The following PRAG1 variants were observed in gnomAD, a reference collection of about 807,000 sequenced individuals.
PRAG1 encodes the protein inactive tyrosine-protein kinase PRAG1.
A neutral mutation model predicts 95.6 loss-of-function variants in PRAG1; 110 were observed. That is an observed-to-expected ratio of 1.15 (90% CI 0.99 to 1.35). The LOEUF (loss-of-function observed/expected upper bound fraction) is 1.35. Among genes scored for constraint, PRAG1 ranks in the 40% most tolerant of loss-of-function variants. The probability of loss-of-function intolerance (pLI) is 0.00; values close to 1 mark genes in which losing one functional copy is unlikely to be tolerated. For synonymous variants in PRAG1, 1,052 were observed against 819.4 expected, an observed-to-expected ratio of 1.28 and a Z score of -4.85; for missense variants, 2,554 against 1,864.7, an observed-to-expected ratio of 1.37 and a Z score of -6.81.
At chr8:8,325,419 T>C (rs899790970) in intron 5 of PRAG1, among the ~76,000 whole-genome samples, 10 of 152,212 alleles carry the variant, frequency 6.6e-5, no homozygotes, top group African/African-American at 2.4e-4. Context: ...GCGGCTCCTG[T>C]TTAGAGGGCT....
chr8:8,381,783 G>A lies in PRAG1; in HGVS notation c.-36C>T, dbSNP rs375776661. The A allele has an allele frequency of 1.3e-4, 200 of 1,509,178 alleles. No individual in the cohort carries two copies. The African/African-American group carries it at 2.0e-3, about 15-fold the overall frequency. 93.5% of individuals were successfully genotyped at this position (1,509,178 alleles called of 1,614,324 possible). A position where few individuals can be genotyped will look rare whatever the true frequency, so the allele number is the denominator to read the frequency against. ...CAGGGTGCTGGTTCATCTTGCGCCC[G>A]GCTCTCTGGTGCAGTTTTGTGGGAT... On this transcript the variant is annotated 5_prime_UTR_variant, in exon 2 of 6. Coordinates refer to ENST00000615670, the MANE Select transcript of PRAG1 (RefSeq NM_001080826.3).
Position 8,381,615 on chromosome 8 carries a change from C to G in PRAG1, c.133G>C (p.Gly45Arg), listed in dbSNP as rs753906769. ...CTGCCCGCTCTGGGCTGGGGAGGGC[C>G]GGCCACCAGCTGGTGGTCGCTCCGC... The part of the protein sequence containing the change: ...CLRSDHQLVA[G>R]PPQPRAGSLP... Residue 45 changes from glycine (G) to arginine (R), a missense_variant, in exon 2 of 6, where the codon GGC becomes CGC. Gly to Arg is a moderately radical substitution (Grantham distance 125). Transcript: ENST00000615670. The G allele has an allele frequency of 2.5e-6, 4 of 1,613,818 alleles. No homozygotes were observed. In the African/African-American group the frequency reaches 4.0e-5, roughly 16 times the overall value.
At chr8:8,361,403 G>A (rs967540599) in intron 3 of PRAG1, among the ~76,000 whole-genome samples, 1 of 152,176 alleles carries the variant, frequency 6.6e-6, no homozygotes, top group Non-Finnish European at 1.5e-5. Context: ...GTCTGGGATC[G>A]GGTCCGGAAG....
At chr8:8,337,573 G>A (rs1158279570) in intron 4 of PRAG1, among the ~76,000 whole-genome samples, 1 of 152,132 alleles carries the variant, frequency 6.6e-6, no homozygotes, top group Non-Finnish European at 1.5e-5. Flanking sequence ...CCATGTCCAG[G>A]GGCAGCAGAT....
intron 3 of PRAG1, among the ~76,000 whole-genome samples, chr8:8,351,183 T>G (rs1799508880): frequency 6.6e-6 from 1 of 152,088 alleles, no homozygotes; most frequent in Admixed American, 6.5e-5. Flanking sequence ...TTTAAAAACA[T>G]GGCAGAAGGC....
intron 3 of PRAG1, among the ~76,000 whole-genome samples, chr8:8,369,121 A>G (rs866999061): frequency 9.2e-5 from 14 of 152,108 alleles, no homozygotes; most frequent in Non-Finnish European, 1.9e-4. Flanking sequence ...GAATAGTTGC[A>G]GAATCATGAT....
intron 5 of PRAG1, 87 bp from the exon 6 acceptor site, chr8:8,319,389 C>G: frequency 8.7e-7 from 1 of 1,143,344 alleles, no homozygotes; most frequent in Non-Finnish European, 1.2e-6. Flanking sequence ...TATCTACGTG[C>G]AATAAGCCTA....
chr8:8,325,067 G>A (rs1014402359), intron 5 of PRAG1, among the ~76,000 whole-genome samples: 25 of 152,182 alleles, frequency 1.6e-4, no homozygotes, highest in Non-Finnish European at 2.8e-4. Context: ...TTTAACATGT[G>A]CAGATAAAAT....
At chr8:8,376,184 A>G in intron 3 of PRAG1, 63 bp downstream of exon 3, 4 of 1,558,480 alleles carry the variant, frequency 2.6e-6, no homozygotes, top group Non-Finnish European at 3.5e-6. Context: ...ATGAGGGCAA[A>G]GGTTTCTTCT....
chr8:8,332,549 T>C (rs2945907), intron 4 of PRAG1, among the ~76,000 whole-genome samples: 33,231 of 151,518 alleles, frequency 0.22, 4,180 homozygotes, highest in African/African-American at 0.34. Flanking sequence ...TTCCTCTGAG[T>C]TTACGGATCC....
At position 8,318,204 on chromosome 8, in the gene PRAG1, C is replaced by T. The variant is rs1281724351; in HGVS notation, c.4171G>A (p.Ala1391Thr). The change falls in exon 6 of 6, where the codon GCG (alanine) becomes ACG (threonine). Residue 1391 changes from alanine (A) to threonine (T), a missense_variant. Transcript: ENST00000615670. This position sits in a 1 kb window ranked among gnomAD's most constrained non-coding sequence, Gnocchi z 4.2. Reference sequence around the variant, plus strand: ...GACTGTAAGAGGGCCCCGGGCTCCGCAGACGCCAGGTACTGGCAGCAAAGC... The same window carrying T: ...GACTGTAAGAGGGCCCCGGGCTCCGTAGACGCCAGGTACTGGCAGCAAAGC... ...DWLCCQYLASAEPGALLQSLK... is the reference protein window; with the variant it reads ...DWLCCQYLASTEPGALLQSLK... 6.2e-7 allele frequency: 1 copy of T among 1,614,114 alleles called. No homozygotes were observed.
rs200726030 is a variant in PRAG1, at chr8:8,377,014, G to C, written c.1395C>G (p.Asp465Glu). 6.4e-5 allele frequency: 103 copies of C among 1,613,944 alleles called. 2 individuals are homozygous for C. The East Asian group carries it at 2.2e-3, about 34-fold the overall frequency. ...AASGWGRDSP[D>E]PTPQVSATIT... ...TGGTGGCTGACACCTGGGGAGTTGG[G>C]TCTGGGCTGTCCCGGCCCCAGCCAG... Residue 465 changes from aspartate (D) to glutamate (E), a missense_variant, in exon 3 of 6, where the codon GAC (aspartate) becomes GAG (glutamate). Asp to Glu is a conservative substitution (Grantham distance 45). Coordinates refer to ENST00000615670, the MANE Select transcript of PRAG1 (RefSeq NM_001080826.3).
intron 4 of PRAG1, among the ~76,000 whole-genome samples, chr8:8,333,008 A>G (rs1798871643): frequency 6.6e-6 from 1 of 152,194 alleles, no homozygotes; most frequent in Admixed American, 6.5e-5. Flanking sequence ...TGGTTCAGAA[A>G]AGTCTGCCTA....
intron 4 of PRAG1, among the ~76,000 whole-genome samples, chr8:8,338,705 T>C (rs1225251415): frequency 1.3e-5 from 2 of 152,188 alleles, no homozygotes; most frequent in Admixed American, 1.3e-4. Flanking sequence ...TGACAGTAAA[T>C]TTGCAATGGA....
chr8:8,328,477 A>G lies in PRAG1; in HGVS notation c.2321-16T>C, dbSNP rs896679874. 1.9e-6 allele frequency: 3 copies of G among 1,612,306 alleles called. No homozygotes were observed. The highest frequency in any genetic ancestry group is 1.1e-5 in the South Asian group (1 of 90,988). On this transcript the variant is annotated splice_polypyrimidine_tract_variant and intron_variant, in intron 4 of 5. Transcript: ENST00000615670. ...GACGAGGGACCTGAAGAGGAGAGAC[A>G]GAAACCATAAGACCAAGGCCAGTGC...
chr8:8,337,319 G>A (rs910265899), intron 4 of PRAG1, among the ~76,000 whole-genome samples: 1 of 152,202 alleles, frequency 6.6e-6, no homozygotes, highest in Non-Finnish European at 1.5e-5. Context: ...GTGAGTTAAG[G>A]ACCCATGGGA....
chr8:8,362,171 C>T (rs1033587824), intron 3 of PRAG1, among the ~76,000 whole-genome samples: 3 of 152,238 alleles, frequency 2.0e-5, no homozygotes, highest in Admixed American at 6.5e-5. Context: ...ATTTAGGCTC[C>T]TCTTAGCATT....
intron 3 of PRAG1, among the ~76,000 whole-genome samples, chr8:8,342,840 G>A (rs557339375): frequency 6.6e-6 from 1 of 151,832 alleles, no homozygotes; most frequent in Non-Finnish European, 1.5e-5. Context: ...TATGAACTTG[G>A]GGTAGGAAAT....
At chr8:8,381,958 A>G (rs1179345215) in intron 1 of PRAG1, 124 bp from the exon 2 acceptor site, 2 of 495,702 alleles carry the variant, frequency 4.0e-6, no homozygotes, top group Non-Finnish European at 7.1e-6. Flanking sequence ...TTAGGATCCC[A>G]TTTATTTTGG....
Sources: gnomAD v4.1 joint callset for allele counts (sites outside exome capture counted in the v4.1 genomes callset) on GRCh38, gnomAD v4.1.1 for gene constraint, Gnocchi (gnomAD v3.1) non-coding constraint, MANE v1.5 for transcripts, NCBI Gene and HGNC (gene_info 2026-07-23, HGNC 2026-07-21) for gene names.